The following CC2D2A variants were observed in gnomAD, a reference collection of about 807,000 sequenced individuals.
CC2D2A encodes the protein coiled-coil and C2 domain containing 2A, also known as coiled-coil and C2 domain-containing protein 2A.
Under a neutral mutation model 212.9 loss-of-function variants are expected in CC2D2A, and 155 were observed. The observed-to-expected ratio is 0.73, with a 90% CI of 0.64 to 0.83. The LOEUF (loss-of-function observed/expected upper bound fraction) is 0.83, where lower values mean the gene tolerates loss of function less well. CC2D2A is among the 40% of genes least tolerant of loss of function. The pLI is 0.00. For missense variants in CC2D2A, 1,856 were observed against 1,956.2 expected, an observed-to-expected ratio of 0.95 and a Z score of 0.97; for synonymous variants, 667 against 686.5, an observed-to-expected ratio of 0.97 and a Z score of 0.44.
In CC2D2A at chr4:15,596,135, T is replaced by C; in HGVS notation, c.4365T>C (p.Asp1455=). 6.5e-7 allele frequency: 1 copy of C among 1,549,982 alleles called. No individual in the cohort carries two copies. The highest frequency in any genetic ancestry group is 8.7e-7 in the Non-Finnish European group (1 of 1,146,124). The change falls in exon 34 of 37, where the codon GAT becomes GAC. Residue 1455 remains aspartate (D), a synonymous_variant. Transcript: ENST00000424120. The part of the protein sequence containing the change: ...RYESPLRINF[D]VTRPKLWKSF... ...AATCTCCACTAAGGATAAATTTTGATGTCACCAGGCCCAAGCTATGGAAAT... is the reference window on the plus strand; with the variant it reads ...AATCTCCACTAAGGATAAATTTTGACGTCACCAGGCCCAAGCTATGGAAAT...
chr4:15,481,206 T>C (rs750288363), intron 4 of CC2D2A: 21 of 456,248 alleles, frequency 4.6e-5, no homozygotes, highest in Non-Finnish European at 7.5e-5. Context: ...GGAGAGCTGG[T>C]TGTTAAAAAG....
intron 4 of CC2D2A, among the ~76,000 whole-genome samples, chr4:15,485,491 A>T (rs538601080): frequency 6.6e-6 from 1 of 152,310 alleles, no homozygotes; most frequent in East Asian, 1.9e-4. Flanking sequence ...TTGGATATAT[A>T]CCCAGCAGTG....
At chr4:15,515,725 G>T in intron 9 of CC2D2A, 143 bp from the exon 10 acceptor site, 3 of 772,512 alleles carry the variant, frequency 3.9e-6, no homozygotes, top group Non-Finnish European at 6.0e-6. Context: ...TCTTTTCCTT[G>T]GTTCTGCTTT....
At chr4:15,588,606 G>A (rs1720958797) in intron 32 of CC2D2A, among the ~76,000 whole-genome samples, 2 of 152,188 alleles carry the variant, frequency 1.3e-5, no homozygotes, top group Non-Finnish European at 2.9e-5. Flanking sequence ...AGCATGAGTT[G>A]CTGCAAGGCA....
intron 1 of CC2D2A, among the ~76,000 whole-genome samples, chr4:15,474,269 T>C (rs957623564): frequency 1.3e-5 from 2 of 152,166 alleles, no homozygotes; most frequent in African/African-American, 4.8e-5. Flanking sequence ...AAGGGATGGG[T>C]CACTTTCATC....
chr4:15,485,259 C>T (rs370889603), intron 4 of CC2D2A, among the ~76,000 whole-genome samples: 11 of 152,238 alleles, frequency 7.2e-5, no homozygotes, highest in Admixed American at 3.9e-4. Flanking sequence ...GCTTTCTTCA[C>T]TAACATAATG....
chr4:15,595,015 A>C (rs1721258736), intron 33 of CC2D2A, among the ~76,000 whole-genome samples: 1 of 152,030 alleles, frequency 6.6e-6, no homozygotes, highest in Non-Finnish European at 1.5e-5. Context: ...GGGTCTCACT[A>C]TGCTGTCCAG....
chr4:15,534,120 C>T (rs964207210), intron 14 of CC2D2A, among the ~76,000 whole-genome samples: 4 of 152,140 alleles, frequency 2.6e-5, no homozygotes, highest in African/African-American at 9.7e-5. Flanking sequence ...TTTGGATTTC[C>T]TCTTTTGTGA....
chr4:15,585,699 T>C (rs1380642013), intron 30 of CC2D2A, among the ~76,000 whole-genome samples: 1 of 152,178 alleles, frequency 6.6e-6, no homozygotes. Context: ...ATTACCCTGA[T>C]TTCAACATTA....
In CC2D2A at chr4:15,504,947, G is replaced by C. The variant is rs145330225; in HGVS notation, c.438+2024G>C. On this transcript the variant is annotated intron_variant, in intron 6 of 36. Coordinates refer to ENST00000424120, the MANE Select transcript of CC2D2A (RefSeq NM_001378615.1). ...GAACTTCAGCTGACCAGGGCTAAAGGCTGCCGACCTCACTCACTAGTGATG... is the reference window on the plus strand; with the variant it reads ...GAACTTCAGCTGACCAGGGCTAAAGCCTGCCGACCTCACTCACTAGTGATG... Among the ~76,000 whole-genome samples, 649 of 152,260 alleles carry C rather than the reference G, an allele frequency of 4.3e-3. 5 individuals carry two copies. Among genetic ancestry groups the C allele is most frequent in the African/African-American group, 0.015 (609 of 41,546 alleles).
Position 15,538,113 on chromosome 4 carries a change from T to C in CC2D2A, c.1979T>C (p.Val660Ala). The C allele has an allele frequency of 6.3e-7, 1 of 1,594,754 alleles. No homozygotes were observed. The highest frequency in any genetic ancestry group is 8.5e-7 in the Non-Finnish European group (1 of 1,169,800). Residue 660 changes from valine to alanine, a missense_variant, in exon 16 of 37, where the codon GTA (valine) becomes GCA (alanine). Coordinates refer to ENST00000424120, the MANE Select transcript of CC2D2A (RefSeq NM_001378615.1). ...CCGGAGCTAAGCCTGGCAGGAAGCGTAACACCCAATGACCAGTGCCCCAGG... is the reference window on the plus strand; with the variant it reads ...CCGGAGCTAAGCCTGGCAGGAAGCGCAACACCCAATGACCAGTGCCCCAGG... Reference protein sequence around the residue: ...LVPELSLAGSVTPNDQCPRAE... With the variant: ...LVPELSLAGSATPNDQCPRAE...
intron 29 of CC2D2A, among the ~76,000 whole-genome samples, chr4:15,575,724 T>G (rs939871113): frequency 5.9e-5 from 9 of 152,362 alleles, no homozygotes; most frequent in Admixed American, 3.9e-4. Context: ...TTCAAAATAT[T>G]TTAGAAAGGG....
chr4:15,563,025 G>A (rs1719691095), intron 23 of CC2D2A, among the ~76,000 whole-genome samples: 2 of 152,196 alleles, frequency 1.3e-5, no homozygotes, highest in Admixed American at 6.5e-5. Context: ...CCCTCTGCAG[G>A]ACTGGCCCAA....
chr4:15,596,034 G>A, intron 33 of CC2D2A, 51 bp from the exon 34 acceptor site: 2 of 1,378,770 alleles, frequency 1.5e-6, no homozygotes, highest in Non-Finnish European at 9.9e-7. Context: ...ACACATACAT[G>A]TGCATGTATA....
intron 11 of CC2D2A, among the ~76,000 whole-genome samples, chr4:15,518,139 T>C (rs1716991967): frequency 6.6e-6 from 1 of 152,114 alleles, no homozygotes. Flanking sequence ...AAACCAATCA[T>C]TGCCTTCCCA....
rs750219979 is a variant in CC2D2A at position 15,540,916 on chromosome 4, A to C, written c.2083A>C (p.Arg695=). 42 of 1,582,318 alleles carry C rather than the reference A, an allele frequency of 2.7e-5. No homozygotes were observed. The highest frequency in any genetic ancestry group is 4.3e-6 in the Non-Finnish European group (5 of 1,163,892). ...GCTGTTCAACAACAAGGAGGTGTCC[A>C]GGACAGTCAGTCGGCCACTAGGAGC... ...KVLFNNKEVS[R]TVSRPLGADF... Residue 695 remains arginine (R), a synonymous_variant, in exon 17 of 37, where the codon AGG becomes CGG. Coordinates refer to ENST00000424120, the MANE Select transcript of CC2D2A (RefSeq NM_001378615.1).
intron 4 of CC2D2A, chr4:15,492,817 T>C: frequency 1.5e-6 from 1 of 647,642 alleles, no homozygotes; most frequent in Non-Finnish European, 2.9e-6. Flanking sequence ...GATAAAGTGG[T>C]CACTGAGGGC....
chr4:15,522,417 T>G lies in CC2D2A; in HGVS notation c.1150-5030T>G, dbSNP rs1717263325. Among the ~76,000 whole-genome samples the G allele has an allele frequency of 3.9e-5, 6 of 152,154 alleles. No homozygotes were observed. The South Asian group carries it at 1.0e-3, about 26-fold the overall frequency. ...TCTTTGGTTAGAAATACTATGCTAT[T>G]GACTCAAATGATGGATCATGCGCCC... is the stretch of plus-strand genomic sequence containing the variant. On this transcript the variant is annotated intron_variant, in intron 11 of 36. Coordinates refer to ENST00000424120, the MANE Select transcript of CC2D2A (RefSeq NM_001378615.1).
intron 36 of CC2D2A, among the ~76,000 whole-genome samples, chr4:15,600,913 A>AG (rs1553845789): frequency 1.5e-4 from 22 of 147,372 alleles, no homozygotes; most frequent in African/African-American, 1.2e-4. Context: ...CAAAAAAAAA[A>AG]AAAAAAAAGA....
Sources: allele counts gnomAD v4.1 joint callset (sites outside exome capture counted in the v4.1 genomes callset), GRCh38; gene constraint gnomAD v4.1.1; transcripts MANE v1.5; gene names NCBI Gene and HGNC (gene_info 2026-07-23, HGNC 2026-07-21).